Variants in GRIK2 observed in about 807,000 individuals in gnomAD.
GRIK2 encodes the protein glutamate receptor ionotropic, kainate 2.
GRIK2 carries 32 observed loss-of-function variants against 100.3 expected under a neutral mutation model. The observed-to-expected ratio is 0.32, with a 90% CI of 0.24 to 0.43. GRIK2 has a LOEUF of 0.43. GRIK2 is among the 20% of genes least tolerant of loss of function. GRIK2 has a pLI of 1.00. For synonymous variants in GRIK2, 417 were observed against 389.4 expected (o/e 1.07, Z -0.83); for missense variants, 843 against 1,114.9 (o/e 0.76, Z 3.47).
In GRIK2 at chr6:101,545,661, T is replaced by C. The variant is rs1054745441; in HGVS notation, c.116-76288T>C. Among the ~76,000 whole-genome samples, 10 of 152,142 alleles carry C rather than the reference T, an allele frequency of 6.6e-5. No homozygotes were observed. The East Asian group carries it at 7.7e-4, about 12-fold the overall frequency. Reference sequence around the variant, plus strand: ...GTTAAGTGATAATAGTGCAAACATATATACTATTATTTCATACAAGCAACT... The same window carrying C: ...GTTAAGTGATAATAGTGCAAACATACATACTATTATTTCATACAAGCAACT... On this transcript the variant is annotated intron_variant, in intron 2 of 16. Coordinates refer to ENST00000369134, the MANE Select transcript of GRIK2 (RefSeq NM_021956.5).
intron 4 of GRIK2, among the ~76,000 whole-genome samples, chr6:101,659,409 T>C (rs568631436): frequency 1.1e-4 from 17 of 152,344 alleles, no homozygotes; most frequent in African/African-American, 2.6e-4. Context: ...TTTTGGTTAC[T>C]GTAGCCTTTT....
At chr6:101,845,743 T>G (rs1582367615) in intron 10 of GRIK2, among the ~76,000 whole-genome samples, 1 of 152,216 alleles carries the variant, frequency 6.6e-6, no homozygotes, top group African/African-American at 2.4e-5. Flanking sequence ...CCAATATTTT[T>G]TTTATAGCAG....
intron 2 of GRIK2, among the ~76,000 whole-genome samples, chr6:101,457,341 G>A (rs1211708480): frequency 1.3e-5 from 2 of 152,040 alleles, no homozygotes; most frequent in Non-Finnish European, 2.9e-5. Flanking sequence ...TGATTACAAA[G>A]CTTGTTATCT....
chr6:101,868,373 G>A (rs118042146), intron 11 of GRIK2, among the ~76,000 whole-genome samples: 4 of 151,614 alleles, frequency 2.6e-5, no homozygotes, highest in African/African-American at 9.7e-5. Flanking sequence ...CCAAAATCTA[G>A]TATTATTTAA....
chr6:101,442,766 G>A (rs888588628), intron 2 of GRIK2, among the ~76,000 whole-genome samples: 8 of 152,068 alleles, frequency 5.3e-5, no homozygotes, highest in Non-Finnish European at 1.2e-4. Context: ...ATAAATGATT[G>A]GTCCCTGCTG....
chr6:101,806,393 C>G (rs1427665105), intron 9 of GRIK2, among the ~76,000 whole-genome samples: 1 of 152,054 alleles, frequency 6.6e-6, no homozygotes, highest in Non-Finnish European at 1.5e-5. Flanking sequence ...TACCTTTCAA[C>G]TGTACAACTA....
At chr6:101,704,103 TA>T (rs1431438891) in intron 7 of GRIK2, among the ~76,000 whole-genome samples, 1 of 151,654 alleles carries the variant, frequency 6.6e-6, no homozygotes, top group African/African-American at 2.4e-5. Context: ...CACTTGAGAT[TA>T]GGGGCCATAA....
chr6:101,871,596 T>C (rs942774402), intron 11 of GRIK2, among the ~76,000 whole-genome samples: 7 of 152,092 alleles, frequency 4.6e-5, no homozygotes, highest in African/African-American at 1.7e-4. Flanking sequence ...GTACCCAATG[T>C]TTAGCTCCCA....
intron 2 of GRIK2, among the ~76,000 whole-genome samples, chr6:101,565,931 ATG>A (rs146962531): frequency 0.058 from 3,790 of 65,008 alleles, 93 homozygotes; most frequent in East Asian, 0.085. Flanking sequence ...ATATATATAT[ATG>A]TGTATATATA....
intron 14 of GRIK2, among the ~76,000 whole-genome samples, chr6:102,022,409 C>T (rs79804507): frequency 4.2e-4 from 63 of 151,762 alleles, no homozygotes; most frequent in Non-Finnish European, 7.4e-4. Context: ...CTTTGAGAGC[C>T]TGGTTTCCTA....
At chr6:101,573,104 C>A (rs1191355447) in intron 2 of GRIK2, among the ~76,000 whole-genome samples, 1 of 151,976 alleles carries the variant, frequency 6.6e-6, no homozygotes, top group African/African-American at 2.4e-5. Flanking sequence ...CCTCGGCCTC[C>A]CAAAGTGCTG....
rs74459089 is a variant in GRIK2 at position 101,749,771 on chromosome 6, A to G, written c.952-49877A>G. ...ACAGCAGTAGCAACACAAGCTAACT[A>G]TTGCTTACTGAAAACTTGTGTGTGC... On this transcript the variant is annotated intron_variant, in intron 7 of 16. Transcript: ENST00000369134. Among the ~76,000 whole-genome samples, 560 of 138,360 alleles carry G rather than the reference A, an allele frequency of 4.0e-3. 5 individuals carry two copies. The highest frequency in any genetic ancestry group is 0.015 in the African/African-American group (533 of 36,752). The allele number at this position is 138,360 out of a possible 152,430, so 90.8% of individuals were successfully genotyped here.
At chr6:101,580,039 T>A (rs1778000819) in intron 2 of GRIK2, among the ~76,000 whole-genome samples, 1 of 152,090 alleles carries the variant, frequency 6.6e-6, no homozygotes, top group Admixed American at 6.6e-5. Context: ...TTGAAGTCCT[T>A]GGACTTCTTC....
intron 7 of GRIK2, among the ~76,000 whole-genome samples, chr6:101,763,745 C>A (rs1328467590): frequency 1.3e-5 from 2 of 152,028 alleles, no homozygotes; most frequent in East Asian, 3.9e-4. Flanking sequence ...TTTTTCTGGA[C>A]TAGTTTCATA....
chr6:101,552,649 G>A (rs1776564478), intron 2 of GRIK2, among the ~76,000 whole-genome samples: 1 of 152,174 alleles, frequency 6.6e-6, no homozygotes, highest in South Asian at 2.1e-4. Context: ...TCTTTGAGAT[G>A]CTTCACTGCA....
At chr6:101,918,298 T>A (rs2246205) in intron 12 of GRIK2, among the ~76,000 whole-genome samples, 2 of 151,528 alleles carry the variant, frequency 1.3e-5, no homozygotes, top group African/African-American at 2.4e-5. Context: ...TGTTCAAATG[T>A]GTAAAATATA....
At chr6:101,762,780 T>C (rs769646640) in intron 7 of GRIK2, among the ~76,000 whole-genome samples, 4 of 152,206 alleles carry the variant, frequency 2.6e-5, no homozygotes, top group Non-Finnish European at 4.4e-5. Context: ...AATATTCAGC[T>C]AAAAAGTACA....
At chr6:101,513,461 G>A (rs977212559) in intron 2 of GRIK2, among the ~76,000 whole-genome samples, 1 of 152,112 alleles carries the variant, frequency 6.6e-6, no homozygotes, top group Non-Finnish European at 1.5e-5. Flanking sequence ...GGAAGAAAAA[G>A]ATCTAGCTAT....
chr6:101,498,021 C>T (rs1773540552), intron 2 of GRIK2, among the ~76,000 whole-genome samples: 1 of 116,170 alleles, frequency 8.6e-6, no homozygotes, highest in African/African-American at 3.3e-5. Flanking sequence ...TCCCCCCTCC[C>T]CCCACCCCAC....
Sources: gnomAD v4.1 joint callset for allele counts (sites outside exome capture counted in the v4.1 genomes callset) on GRCh38, gnomAD v4.1.1 for gene constraint, MANE v1.5 for transcripts, NCBI Gene and HGNC (gene_info 2026-07-23, HGNC 2026-07-21) for gene names.